CSTF3: variants seen among roughly 807,000 people sequenced by gnomAD.
The protein encoded by CSTF3 is cleavage stimulation factor subunit 3.
CSTF3 carries 29 observed loss-of-function variants against 105.8 expected under a neutral mutation model. The ratio of observed to expected loss-of-function variants is 0.27; its 90% confidence interval spans 0.20 to 0.37. The LOEUF (loss-of-function observed/expected upper bound fraction) is 0.37. Among genes scored for constraint, CSTF3 ranks in the 10% least tolerant of loss-of-function variants. The pLI, the probability that CSTF3 is intolerant of heterozygous loss-of-function variation, is 1.00. For missense variants in CSTF3, 357 were observed against 879.3 expected (o/e 0.41, Z 7.51); for synonymous variants, 252 against 281.9 (o/e 0.89, Z 1.06).
chr11:33,147,486 T>A lies in CSTF3; in HGVS notation c.28-5500A>T, dbSNP rs141751527. Among the ~76,000 whole-genome samples, 1,347 of 151,684 alleles carry A rather than the reference T, an allele frequency of 8.9e-3. 19 individuals are homozygous for A. Among genetic ancestry groups the A allele is most frequent in the African/African-American group, 0.03 (1,258 of 41,300 alleles). ...GGTGCGTGCCTGTAGTCACAGATAC[T>A]TGGGAGGCTGAGGCAAGAGAATCGC... On this transcript the variant is annotated intron_variant, in intron 1 of 20. Coordinates refer to ENST00000323959, the MANE Select transcript of CSTF3 (RefSeq NM_001326.3).
In CSTF3 at chr11:33,112,256, A is replaced by G. The variant is rs550344462; in HGVS notation, c.226-3838T>C. Among the ~76,000 whole-genome samples, 9 of 142,200 alleles carry G rather than the reference A, an allele frequency of 6.3e-5. 1 individual carries two copies. The East Asian group carries it at 1.2e-3, about 19-fold the overall frequency. 93.3% of individuals were successfully genotyped at this position (142,200 alleles called of 152,430 possible). A position where few individuals can be genotyped will look rare whatever the true frequency, so the allele number is the denominator to read the frequency against. ...GTGACAAGAGCGAAACTCTGTGTGG[A>G]AAAAAAAAAAAAATCATCAATGTGC... On this transcript the variant is annotated intron_variant, in intron 3 of 20. Coordinates refer to ENST00000323959, the MANE Select transcript of CSTF3 (RefSeq NM_001326.3).
intron 1 of CSTF3, among the ~76,000 whole-genome samples, chr11:33,152,139 C>T (rs1025110161): frequency 2.0e-5 from 3 of 152,110 alleles, no homozygotes; most frequent in African/African-American, 7.2e-5. Context: ...CCTGTAATCC[C>T]ACCTACTCAG....
chr11:33,147,962 G>A (rs1450593387), intron 1 of CSTF3, among the ~76,000 whole-genome samples: 1 of 152,060 alleles, frequency 6.6e-6, no homozygotes, highest in Non-Finnish European at 1.5e-5. Context: ...TAGACAAGCA[G>A]AATCACTGCC....
chr11:33,127,848 G>GA (rs1199725209), intron 3 of CSTF3, among the ~76,000 whole-genome samples: 38 of 152,122 alleles, frequency 2.5e-4, no homozygotes, highest in Non-Finnish European at 4.6e-4. Flanking sequence ...TTTGATACTA[G>GA]AATCAGTAAA....
chr11:33,099,853 G>A lies in CSTF3; in HGVS notation c.827-136C>T, dbSNP rs1219453818. ...GAAATAAAAAGCTTTAGTGATTTCT[G>A]GCACCATCATCCATCCAAGTTCCCT... On this transcript the variant is annotated intron_variant, in intron 10 of 20. Coordinates refer to ENST00000323959, the MANE Select transcript of CSTF3 (RefSeq NM_001326.3). The surrounding 1 kb of genome is among the most constrained non-coding windows in gnomAD (Gnocchi z 4.1). 9.6e-6 allele frequency: 5 copies of A among 521,854 alleles called. No individual in the cohort carries two copies. Among genetic ancestry groups the A allele is most frequent in the Non-Finnish European group, 1.6e-5 (5 of 303,590 alleles). The allele number at this position is 521,854 out of a possible 1,614,324, so 32.3% of individuals were successfully genotyped here.
chr11:33,088,733 A>G, intron 17 of CSTF3, among the ~76,000 whole-genome samples: 1 of 151,896 alleles, frequency 6.6e-6, no homozygotes, highest in Non-Finnish European at 1.5e-5. Context: ...TGGCCTCCCG[A>G]ATAGCTGGGA....
At chr11:33,149,148 C>T (rs1469069822) in intron 1 of CSTF3, among the ~76,000 whole-genome samples, 2 of 152,166 alleles carry the variant, frequency 1.3e-5, no homozygotes, top group Admixed American at 1.3e-4. Context: ...TTTCAGTTAG[C>T]GATTAGTGAA....
At chr11:33,114,788 A>T (rs375376) in intron 3 of CSTF3, among the ~76,000 whole-genome samples, 83,033 of 151,770 alleles carry the variant, frequency 0.55, 25,221 homozygotes, top group Non-Finnish European at 0.68. Context: ...GAGGTGGAGG[A>T]TGCAGTGAAT....
rs769147168 is a variant in CSTF3 at position 33,085,259 on chromosome 11, C to G, written c.1982G>C (p.Gly661Ala). The change falls in exon 21 of 21, where the codon GGT becomes GCT. Residue 661 changes from glycine (G) to alanine (A), a missense_variant. Coordinates refer to ENST00000323959, the MANE Select transcript of CSTF3 (RefSeq NM_001326.3). Reference protein sequence around the residue: ...TVEEAVRIITGGAPELAVEGN... With the variant: ...TVEEAVRIITAGAPELAVEGN... ...TTCTACAGCTAGCTCTGGGGCCCCACCAGTAATGATCCTCACAGCTTCCTC... is the reference window on the plus strand; with the variant it reads ...TTCTACAGCTAGCTCTGGGGCCCCAGCAGTAATGATCCTCACAGCTTCCTC... The G allele has an allele frequency of 1.3e-6, 2 of 1,565,530 alleles. No individual in the cohort carries two copies. The highest frequency in any genetic ancestry group is 2.4e-5 in the South Asian group (2 of 83,296).
At chr11:33,153,987 T>C (rs776462715) in intron 1 of CSTF3, among the ~76,000 whole-genome samples, 4 of 152,112 alleles carry the variant, frequency 2.6e-5, no homozygotes, top group Non-Finnish European at 4.4e-5. Flanking sequence ...TAACTAAATA[T>C]ATGGGGGTGG....
At chr11:33,130,956 G>A (rs1443261857) in intron 3 of CSTF3, among the ~76,000 whole-genome samples, 2 of 152,084 alleles carry the variant, frequency 1.3e-5, no homozygotes, top group African/African-American at 4.8e-5. Flanking sequence ...CTGAGCCTGT[G>A]CAGGTCAAGG....
At chr11:33,151,505 G>C (rs1855859155) in intron 1 of CSTF3, among the ~76,000 whole-genome samples, 1 of 151,968 alleles carries the variant, frequency 6.6e-6, no homozygotes, top group Non-Finnish European at 1.5e-5. Flanking sequence ...CTTTCAGTTA[G>C]CGTGTTTTCA....
At chr11:33,092,819 T>A (rs1368285639) in intron 15 of CSTF3, among the ~76,000 whole-genome samples, 1 of 152,192 alleles carries the variant, frequency 6.6e-6, no homozygotes, top group East Asian at 1.9e-4. Context: ...CTACTTTAAC[T>A]CTTGCAGAGG....
intron 3 of CSTF3, among the ~76,000 whole-genome samples, chr11:33,133,937 A>T (rs1185369644): frequency 1.3e-5 from 2 of 152,228 alleles, no homozygotes; most frequent in Non-Finnish European, 2.9e-5. Flanking sequence ...CAAAAGTATA[A>T]CATAGACTGC....
chr11:33,156,942 A>G (rs1849874007), intron 1 of CSTF3: 3 of 269,862 alleles, frequency 1.1e-5, no homozygotes, highest in South Asian at 1.0e-4. Context: ...CAACTAAAGA[A>G]GTTCAAAACC....
intron 17 of CSTF3, 63 bp downstream of exon 17, chr11:33,090,469 A>G (rs965081899): frequency 1.7e-5 from 17 of 975,892 alleles, no homozygotes; most frequent in Non-Finnish European, 1.4e-5. Flanking sequence ...GCAGGTTATC[A>G]ATGAACTCTT....
chr11:33,109,073 C>T (rs754900016), intron 3 of CSTF3, among the ~76,000 whole-genome samples: 1 of 152,114 alleles, frequency 6.6e-6, no homozygotes, highest in African/African-American at 2.4e-5. Context: ...AAAAGATTTC[C>T]GGGAAAAAGA....
Position 33,107,888 on chromosome 11 carries a change from C to A in CSTF3, c.356+15G>T. On this transcript the variant is annotated intron_variant, in intron 5 of 20. Coordinates refer to ENST00000323959, the MANE Select transcript of CSTF3 (RefSeq NM_001326.3). ...TGGAGATGACTTGCATTCTTAAGAT[C>A]CTGGTTTCACTTACTTGTAACTTGG... is the stretch of plus-strand genomic sequence containing the variant. The A allele has an allele frequency of 1.3e-6, 2 of 1,502,880 alleles. No homozygotes were observed. The highest frequency in any genetic ancestry group is 1.8e-6 in the Non-Finnish European group (2 of 1,084,290). The allele number at this position is 1,502,880 out of a possible 1,614,324, so 93.1% of individuals were successfully genotyped here. A position where few individuals can be genotyped will look rare whatever the true frequency, so the allele number is the denominator to read the frequency against.
Position 33,096,421 on chromosome 11 carries a change from A to T in CSTF3, c.1273-13T>A. ...CAACAGATTTGTCCTACAAGTAAAG[A>T]AAGTAAAGTACAGATTTCCATGAAA... On this transcript the variant is annotated splice_polypyrimidine_tract_variant and intron_variant, in intron 14 of 20. Transcript: ENST00000323959. 1.3e-6 allele frequency: 2 copies of T among 1,501,824 alleles called. No homozygotes were observed. The highest frequency in any genetic ancestry group is 1.8e-6 in the Non-Finnish European group (2 of 1,096,844). The allele number at this position is 1,501,824 out of a possible 1,614,324, so 93.0% of individuals were successfully genotyped here.
Sources: allele counts gnomAD v4.1 joint callset (sites outside exome capture counted in the v4.1 genomes callset), GRCh38; gene constraint gnomAD v4.1.1; non-coding constraint Gnocchi (gnomAD v3.1); transcripts MANE v1.5; gene names NCBI Gene and HGNC (gene_info 2026-07-23, HGNC 2026-07-21).